Variants in PIP4K2A observed in about 807,000 individuals in gnomAD.
PIP4K2A encodes the protein phosphatidylinositol-5-phosphate 4-kinase type 2 alpha.
In PIP4K2A, 14 loss-of-function variants were observed where a neutral mutation model predicts 42.9. The observed-to-expected ratio is 0.33, with a 90% CI of 0.22 to 0.51. PIP4K2A has a LOEUF of 0.51. PIP4K2A is among the 20% of genes least tolerant of loss of function. The probability of loss-of-function intolerance (pLI) is 0.97; values close to 1 mark genes in which losing one functional copy is unlikely to be tolerated. For synonymous variants in PIP4K2A, 192 were observed against 192.2 expected (o/e 1.00, Z 0.01); for missense variants, 434 against 519.8 (o/e 0.83, Z 1.61).
chr10:22,549,789 C>T (rs546384120), intron 7 of PIP4K2A, among the ~76,000 whole-genome samples: 174 of 124,954 alleles, frequency 1.4e-3, no homozygotes, highest in Non-Finnish European at 2.1e-3. Context: ...TGCAGTGAGC[C>T]GAGATCGCGC....
Position 22,536,036 on chromosome 10 carries a change from C to A in PIP4K2A, c.*1165G>T, listed in dbSNP as rs1419613159. ...ATACTGTGACTTTACATGTAAACTT[C>A]AAAAATCACATGCTGTACATCAAAT... On this transcript the variant is annotated 3_prime_UTR_variant, in exon 10 of 10. Transcript: ENST00000376573. 1 of 398,196 alleles carries A rather than the reference C, an allele frequency of 2.5e-6. No individual in the cohort carries two copies. Among genetic ancestry groups the A allele is most frequent in the East Asian group, 3.6e-5 (1 of 28,052 alleles). 24.7% of individuals were successfully genotyped at this position (398,196 alleles called of 1,614,324 possible). A position where few individuals can be genotyped will look rare whatever the true frequency, so the allele number is the denominator to read the frequency against.
intron 1 of PIP4K2A, among the ~76,000 whole-genome samples, chr10:22,636,892 T>C (rs1838677785): frequency 6.6e-6 from 1 of 152,164 alleles, no homozygotes; most frequent in Admixed American, 6.5e-5. Flanking sequence ...CCTGGGTTTG[T>C]TCTTCTGGAA....
At chr10:22,637,112 T>G (rs1457762999) in intron 1 of PIP4K2A, among the ~76,000 whole-genome samples, 1 of 152,144 alleles carries the variant, frequency 6.6e-6, no homozygotes, top group South Asian at 2.1e-4. Flanking sequence ...CTATGTAGGG[T>G]AGCAAGGAAG....
intron 1 of PIP4K2A, among the ~76,000 whole-genome samples, chr10:22,679,428 A>G (rs1839620432): frequency 6.6e-6 from 1 of 152,222 alleles, no homozygotes; most frequent in Non-Finnish European, 1.5e-5. Flanking sequence ...AAGTATTGGC[A>G]TGGATGCAGT....
At chr10:22,565,279 C>T (rs1349631659) in intron 6 of PIP4K2A, among the ~76,000 whole-genome samples, 5 of 152,190 alleles carry the variant, frequency 3.3e-5, no homozygotes, top group Non-Finnish European at 7.3e-5. Context: ...GTTCTGACGC[C>T]GCACTGACTG....
chr10:22,538,560 AG>A (rs1835999719), intron 9 of PIP4K2A, among the ~76,000 whole-genome samples: 1 of 152,222 alleles, frequency 6.6e-6, no homozygotes, highest in South Asian at 2.1e-4. Flanking sequence ...ACAAGTGGGA[AG>A]GGTCAAACGA....
chr10:22,544,840 T>C (rs1039167105), intron 7 of PIP4K2A, among the ~76,000 whole-genome samples: 1 of 152,202 alleles, frequency 6.6e-6, no homozygotes, highest in Admixed American at 6.5e-5. Flanking sequence ...TTCCTGGGCT[T>C]CTCTGGGGGC....
chr10:22,541,473 G>A (rs1046449900), intron 8 of PIP4K2A, among the ~76,000 whole-genome samples: 5 of 152,218 alleles, frequency 3.3e-5, no homozygotes, highest in African/African-American at 1.2e-4. Flanking sequence ...GTGTGCATAT[G>A]TACATGCATG....
At position 22,714,031 on chromosome 10, in the gene PIP4K2A, G is replaced by A. The variant is rs1833963809; in HGVS notation, c.144+152C>T. On this transcript the variant is annotated intron_variant, in intron 1 of 9. Transcript: ENST00000376573. The stretch of plus-strand genomic sequence containing the variant: ...GCCCAGAGGGCTGGGGGCACGCGCC[G>A]CGGGGCTGGGGGCTTCGAGGCGGGC... 5 of 758,482 alleles carry A rather than the reference G, an allele frequency of 6.6e-6. No homozygotes were observed. In the African/African-American group the frequency reaches 9.1e-5, roughly 14 times the overall value. 47.0% of individuals were successfully genotyped at this position (758,482 alleles called of 1,614,324 possible).
chr10:22,600,308 A>T (rs923738331), intron 3 of PIP4K2A, among the ~76,000 whole-genome samples: 2 of 152,086 alleles, frequency 1.3e-5, no homozygotes, highest in Non-Finnish European at 2.9e-5. Context: ...GCCATGCTCA[A>T]ATGTGTAAAG....
intron 4 of PIP4K2A, among the ~76,000 whole-genome samples, chr10:22,588,784 T>G (rs1272790238): frequency 6.6e-6 from 1 of 152,186 alleles, no homozygotes; most frequent in Non-Finnish European, 1.5e-5. Context: ...TCCCAATCAT[T>G]AAGACCCTAC....
At chr10:22,614,045 C>T (rs79460701) in intron 1 of PIP4K2A, among the ~76,000 whole-genome samples, 177 of 152,288 alleles carry the variant, frequency 1.2e-3, no homozygotes, top group African/African-American at 3.8e-3. Context: ...AGCAGGAGCC[C>T]GTGGTCACGG....
At chr10:22,556,038 CCTTTG>C (rs1387334002) in intron 6 of PIP4K2A, among the ~76,000 whole-genome samples, 2 of 152,142 alleles carry the variant, frequency 1.3e-5, no homozygotes, top group Non-Finnish European at 2.9e-5. Flanking sequence ...TTTAAAATTT[CCTTTG>C]TTTTTAGGTT....
chr10:22,535,731 A>G lies in PIP4K2A; in HGVS notation c.*1470T>C, dbSNP rs149808106. The G allele has an allele frequency of 7.8e-4, 142 of 182,396 alleles. No individual in the cohort carries two copies. Among genetic ancestry groups the G allele is most frequent in the African/African-American group, 2.7e-3 (118 of 43,112 alleles). 11.3% of individuals were successfully genotyped at this position (182,396 alleles called of 1,614,324 possible). On this transcript the variant is annotated 3_prime_UTR_variant, in exon 10 of 10. Transcript: ENST00000376573. ...ATTTAAGCTCAATGCCTTTTGGAAA[A>G]TGCAGGAGAGTTGGTAGATACATGA...
chr10:22,591,869 C>T (rs1207161765), intron 3 of PIP4K2A, 88 bp from the exon 4 acceptor site: 1 of 1,188,950 alleles, frequency 8.4e-7, no homozygotes, highest in Admixed American at 3.0e-5. Flanking sequence ...AATTTGTCAT[C>T]ATTGCAAGTT....
At position 22,536,205 on chromosome 10, in the gene PIP4K2A, G is replaced by A. The variant is rs988352874; in HGVS notation, c.*996C>T. The A allele has an allele frequency of 7.5e-6, 3 of 397,968 alleles. No homozygotes were observed. Among genetic ancestry groups the A allele is most frequent in the East Asian group, 3.6e-5 (1 of 28,048 alleles). The allele number at this position is 397,968 out of a possible 1,614,324, so 24.7% of individuals were successfully genotyped here. On this transcript the variant is annotated 3_prime_UTR_variant, in exon 10 of 10. Coordinates refer to ENST00000376573, the MANE Select transcript of PIP4K2A (RefSeq NM_005028.5). Reference sequence around the variant, plus strand: ...CATCTTATAATTCAGATCTGCATTTGGTAACAGGAGAATTGAGAGTTTTGA... The same window carrying A: ...CATCTTATAATTCAGATCTGCATTTAGTAACAGGAGAATTGAGAGTTTTGA...
chr10:22,583,546 T>C (rs1211508542), intron 4 of PIP4K2A, among the ~76,000 whole-genome samples: 1 of 152,122 alleles, frequency 6.6e-6, no homozygotes. Flanking sequence ...CTGAGGACAT[T>C]AGCATGGTGG....
chr10:22,593,815 C>A (rs1029535111), intron 3 of PIP4K2A, among the ~76,000 whole-genome samples: 7 of 152,192 alleles, frequency 4.6e-5, no homozygotes, highest in Non-Finnish European at 7.3e-5. Flanking sequence ...GTGGAACAGA[C>A]CTTAAACTCT....
chr10:22,599,068 T>C (rs1240095330), intron 3 of PIP4K2A, among the ~76,000 whole-genome samples: 3 of 131,202 alleles, frequency 2.3e-5, no homozygotes, highest in Non-Finnish European at 3.3e-5. Flanking sequence ...TCTTATCGAA[T>C]AAATTAAACT....
Sources: allele counts gnomAD v4.1 joint callset (sites outside exome capture counted in the v4.1 genomes callset), GRCh38; gene constraint gnomAD v4.1.1; transcripts MANE v1.5; gene names NCBI Gene and HGNC (gene_info 2026-07-23, HGNC 2026-07-21).